The following RALGAPA2 variants were observed in gnomAD, a reference collection of about 807,000 sequenced individuals.
RALGAPA2 encodes ral GTPase-activating protein subunit alpha-2.
Under a neutral mutation model 230.4 loss-of-function variants are expected in RALGAPA2, and 139 were observed. The ratio of observed to expected loss-of-function variants is 0.60; its 90% CI spans 0.53 to 0.69. The LOEUF is 0.69. Ranked by LOEUF, RALGAPA2 falls within the 30% of genes least tolerant of loss-of-function variation. The pLI is 0.00. For synonymous variants in RALGAPA2, 847 were observed against 837.8 expected (o/e 1.01, Z -0.19); for missense variants, 2,163 against 2,276.0 (o/e 0.95, Z 1.01).
intron 31 of RALGAPA2, among the ~76,000 whole-genome samples, chr20:20,515,849 C>T (rs114483064): frequency 3.1e-5 from 4 of 127,296 alleles, no homozygotes; most frequent in Admixed American, 1.6e-4. Context: ...GGGAGTGGGG[C>T]GGGGGGGGCA....
chr20:20,393,305 G>C, intron 39 of RALGAPA2, 52 bp from the exon 40 acceptor site: 3 of 1,212,442 alleles, frequency 2.5e-6, no homozygotes, highest in African/African-American at 3.1e-5. Flanking sequence ...GCGGCTCTAC[G>C]GCCACACATT....
intron 1 of RALGAPA2, among the ~76,000 whole-genome samples, chr20:20,689,588 G>A (rs1305679405): frequency 6.6e-6 from 1 of 152,226 alleles, no homozygotes; most frequent in Non-Finnish European, 1.5e-5. Flanking sequence ...GTTGCAGTGA[G>A]CCGAGATCGC....
intron 11 of RALGAPA2, among the ~76,000 whole-genome samples, chr20:20,620,132 C>T (rs1312149717): frequency 6.6e-6 from 1 of 152,174 alleles, no homozygotes; most frequent in Non-Finnish European, 1.5e-5. Flanking sequence ...TTAAACAAGT[C>T]AAGGAGAAGG....
chr20:20,566,798 C>T (rs2064441857), intron 23 of RALGAPA2, among the ~76,000 whole-genome samples: 1 of 152,212 alleles, frequency 6.6e-6, no homozygotes. Context: ...GACTTGAGGT[C>T]CATGCTCTTA....
At chr20:20,694,142 T>G (rs1211900680) in intron 1 of RALGAPA2, among the ~76,000 whole-genome samples, 1 of 150,980 alleles carries the variant, frequency 6.6e-6, no homozygotes, top group Non-Finnish European at 1.5e-5. Context: ...TACCGTAACT[T>G]TAAAAAAAAA....
At chr20:20,535,910 A>T in intron 25 of RALGAPA2, 107 bp from the exon 26 acceptor site, 2 of 1,423,266 alleles carry the variant, frequency 1.4e-6, no homozygotes, top group East Asian at 2.7e-5. Flanking sequence ...TCGACCAGGG[A>T]GCTCAGAGAG....
chr20:20,618,993 A>G (rs547878461), intron 12 of RALGAPA2, among the ~76,000 whole-genome samples: 1 of 152,358 alleles, frequency 6.6e-6, no homozygotes, highest in Non-Finnish European at 1.5e-5. Flanking sequence ...AAAGATTTAA[A>G]TATCAGCCAT....
At position 20,639,846 on chromosome 20, in the gene RALGAPA2, T is replaced by C. The variant is rs1382475725; in HGVS notation, c.605A>G (p.Lys202Arg). The C allele has an allele frequency of 1.2e-6, 2 of 1,613,710 alleles. No individual in the cohort carries two copies. Among genetic ancestry groups the C allele is most frequent in the African/African-American group, 2.7e-5 (2 of 74,920 alleles). Residue 202 changes from lysine (K) to arginine (R), a missense_variant, in exon 7 of 40, where the codon AAG becomes AGG. Lys to Arg is a conservative substitution (Grantham distance 26, BLOSUM62 2). Coordinates refer to ENST00000202677, the MANE Select transcript of RALGAPA2 (RefSeq NM_020343.4). ...TPLLPAISGE[K>R]IAEDQTCFFL... ...AAAGCAGGTTTGGTCCTCAGCAATC[T>C]TCTCCCCTGATATGGCTGGTAGGAG...
chr20:20,554,290 T>C (rs540494336), intron 23 of RALGAPA2, among the ~76,000 whole-genome samples: 1 of 152,360 alleles, frequency 6.6e-6, no homozygotes, highest in Admixed American at 6.5e-5. Context: ...TTACTTAACA[T>C]GTTTTCAAGG....
intron 12 of RALGAPA2, among the ~76,000 whole-genome samples, chr20:20,616,546 T>C (rs1407512059): frequency 6.6e-6 from 1 of 152,166 alleles, no homozygotes; most frequent in Non-Finnish European, 1.5e-5. Context: ...AGTAGGATCG[T>C]TGCATATGAG....
intron 16 of RALGAPA2, among the ~76,000 whole-genome samples, chr20:20,598,402 C>T (rs1226480189): frequency 2.6e-5 from 4 of 152,176 alleles, no homozygotes; most frequent in African/African-American, 9.7e-5. Flanking sequence ...GCAGGCATCA[C>T]ATTTCCCCCT....
At chr20:20,459,236 A>C (rs1361239131) in intron 37 of RALGAPA2, among the ~76,000 whole-genome samples, 2 of 152,146 alleles carry the variant, frequency 1.3e-5, no homozygotes, top group Non-Finnish European at 2.9e-5. Flanking sequence ...TCCTAATAAA[A>C]GCAAAACAAT....
intron 36 of RALGAPA2, among the ~76,000 whole-genome samples, chr20:20,480,215 G>A (rs145643116): frequency 6.6e-6 from 1 of 152,306 alleles, no homozygotes; most frequent in Non-Finnish European, 1.5e-5. Flanking sequence ...TAAGACATTT[G>A]TAGAAATGAA....
At chr20:20,408,111 A>G (rs1337865499) in intron 38 of RALGAPA2, among the ~76,000 whole-genome samples, 2 of 152,258 alleles carry the variant, frequency 1.3e-5, no homozygotes, top group Non-Finnish European at 2.9e-5. Flanking sequence ...CTATAGCAAT[A>G]TTGAAGCAGA....
chr20:20,491,212 C>A (rs529617448), intron 36 of RALGAPA2, among the ~76,000 whole-genome samples: 6 of 152,326 alleles, frequency 3.9e-5, no homozygotes, highest in South Asian at 2.1e-4. Flanking sequence ...CCCTCCTACG[C>A]TTTTCACAAA....
intron 37 of RALGAPA2, among the ~76,000 whole-genome samples, chr20:20,416,902 C>T (rs768341735): frequency 6.6e-5 from 10 of 152,182 alleles, no homozygotes; most frequent in East Asian, 1.9e-4. Flanking sequence ...AAAGTGGCCC[C>T]GGACACAGGC....
At chr20:20,606,511 C>G (rs899753036) in intron 14 of RALGAPA2, among the ~76,000 whole-genome samples, 5 of 152,194 alleles carry the variant, frequency 3.3e-5, no homozygotes, top group African/African-American at 1.2e-4. Context: ...GCTCCTGCAT[C>G]TGGCCTTTGC....
At chr20:20,518,874 T>A (rs577629127) in intron 31 of RALGAPA2, among the ~76,000 whole-genome samples, 2 of 152,274 alleles carry the variant, frequency 1.3e-5, no homozygotes, top group African/African-American at 4.8e-5. Flanking sequence ...TTATAAGACA[T>A]ATGAACTTAC....
Position 20,645,106 on chromosome 20 carries a change from C to CTTT in RALGAPA2, c.329-1560_329-1558dup, listed in dbSNP as rs71198064. Among the ~76,000 whole-genome samples, 80 of 59,480 alleles carry CTTT rather than the reference C, an allele frequency of 1.3e-3. 11 individuals carry two copies. The highest frequency in any genetic ancestry group is 1.5e-3 in the African/African-American group (27 of 17,630). 39.0% of individuals were successfully genotyped at this position (59,480 alleles called of 152,430 possible). A position where few individuals can be genotyped will look rare whatever the true frequency, so the allele number is the denominator to read the frequency against. On this transcript the variant is annotated intron_variant, in intron 4 of 39. Transcript: ENST00000202677. The stretch of plus-strand genomic sequence containing the variant: ...TGGCTTGTTTTTGGTGGTGGTGGTG[C>CTTT]TTTTTTTTTTTTTTTTTTTTTTTTT...
Sources: allele counts gnomAD v4.1 joint callset (sites outside exome capture counted in the v4.1 genomes callset), GRCh38; gene constraint gnomAD v4.1.1; transcripts MANE v1.5; gene names NCBI Gene and HGNC (gene_info 2026-07-23, HGNC 2026-07-21).